Variants in GNL3L observed in about 807,000 individuals in gnomAD.
GNL3L encodes the protein G protein nucleolar 3 like.
A neutral mutation model predicts 42.9 loss-of-function variants in GNL3L; 4 were observed. The ratio of observed to expected loss-of-function variants is 0.09; its 90% confidence interval spans 0.05 to 0.21. The LOEUF (loss-of-function observed/expected upper bound fraction) is 0.21, where lower values mean the gene tolerates loss of function less well. Among genes scored for constraint, GNL3L ranks in the 10% least tolerant of loss-of-function variants. GNL3L has a pLI of 1.00. For synonymous variants in GNL3L, 159 were observed against 176.3 expected (o/e 0.90, Z 0.78); for missense variants, 412 against 481.7 (o/e 0.86, Z 1.36).
Position 54,562,332 on chromosome X carries a change from C to A in GNL3L, c.*1730C>A, listed in dbSNP as rs1485329268. 1.8e-5 allele frequency among the ~76,000 whole-genome samples: 2 copies of A among 112,337 alleles called. No individual in the cohort carries two copies. Among genetic ancestry groups the A allele is most frequent in the Non-Finnish European group, 3.8e-5 (2 of 53,227 alleles). On this transcript the variant is annotated 3_prime_UTR_variant, in exon 16 of 16. Transcript: ENST00000360845. The stretch of plus-strand genomic sequence containing the variant: ...AAGTGCTGGGATTATAGGCGTGAGC[C>A]ACTGTGCCCAGCCTCACAGCTGCAT...
At chrX:54,642,717 C>T in the GNL3L span, among the ~76,000 whole-genome samples, 1 of 110,713 alleles carries the variant, frequency 9.0e-6, no homozygotes, top group Non-Finnish European at 1.9e-5. Context: ...AACTCTTGGC[C>T]CCACTGCTTT....
At chrX:54,575,726 T>C (rs1010182377) in intron 16 of GNL3L, among the ~76,000 whole-genome samples, 1 of 106,584 alleles carries the variant, frequency 9.4e-6, no homozygotes, top group Non-Finnish European at 1.9e-5. Context: ...AGAGCAAGAC[T>C]CCGTCTCAAA....
intron 16 of GNL3L, among the ~76,000 whole-genome samples, chrX:54,608,237 A>T (rs1185994866): frequency 9.0e-6 from 1 of 111,441 alleles, no homozygotes; most frequent in African/African-American, 3.3e-5. Context: ...CACTTTCCAC[A>T]TGGAGATACA....
intron 16 of GNL3L, among the ~76,000 whole-genome samples, chrX:54,604,826 A>C (rs1445654940): frequency 8.9e-6 from 1 of 112,172 alleles, no homozygotes; most frequent in African/African-American, 3.2e-5. Context: ...TCATTTGTAC[A>C]TGAGAATTAA....
At chrX:54,545,629 A>G (rs1475616510) in intron 8 of GNL3L, among the ~76,000 whole-genome samples, 1 of 112,249 alleles carries the variant, frequency 8.9e-6, no homozygotes, top group Admixed American at 9.5e-5. Flanking sequence ...ATATTAATAC[A>G]GAAACTGATT....
chrX:54,614,475 G>C, intron 16 of GNL3L, among the ~76,000 whole-genome samples: 1 of 111,095 alleles, frequency 9.0e-6, no homozygotes, highest in Non-Finnish European at 1.9e-5. Flanking sequence ...AGTTCATCTA[G>C]AGATTTCCTT....
chrX:54,594,477 G>GT (rs762469022), intron 16 of GNL3L, among the ~76,000 whole-genome samples: 5 of 106,864 alleles, frequency 4.7e-5, no homozygotes, highest in Non-Finnish European at 9.6e-5. Flanking sequence ...CCATCCATTT[G>GT]TTTTCAGCCT....
At position 54,607,070 on chromosome X, in the gene GNL3L, T is replaced by TC. The variant is rs1271227383; in HGVS notation, c.*46-13775_*46-13774insC. 6.2e-3 allele frequency among the ~76,000 whole-genome samples: 301 copies of TC among 48,484 alleles called. 21 individuals are homozygous for TC. Among genetic ancestry groups the TC allele is most frequent in the African/African-American group, 0.032 (270 of 8,458 alleles). 42.1% of individuals were successfully genotyped at this position (48,484 alleles called of 115,157 possible). A position where few individuals can be genotyped will look rare whatever the true frequency, so the allele number is the denominator to read the frequency against. ...TTTCTTTCTTTCTTTCTTTCTTTCT[T>TC]TCTCTTTCTTTCTTCTTTCTTTCTT... is the stretch of plus-strand genomic sequence containing the variant. On this transcript the variant is annotated intron_variant, in intron 16 of 16. Transcript: ENST00000674498.
chrX:54,639,370 G>A, the GNL3L span, among the ~76,000 whole-genome samples: 2 of 112,000 alleles, frequency 1.8e-5, no homozygotes, highest in Non-Finnish European at 3.8e-5. Flanking sequence ...TTCATCCGAC[G>A]TGCCCCGCCC....
At chrX:54,612,145 G>A (rs1361000641) in intron 16 of GNL3L, among the ~76,000 whole-genome samples, 1 of 111,912 alleles carries the variant, frequency 8.9e-6, no homozygotes, top group Admixed American at 9.5e-5. Context: ...ATATTTTCCT[G>A]TTGGACAAGG....
intron 16 of GNL3L, among the ~76,000 whole-genome samples, chrX:54,613,996 A>T (rs1326264834): frequency 9.0e-6 from 1 of 110,677 alleles, no homozygotes; most frequent in Non-Finnish European, 1.9e-5. Context: ...CCAAGATTAT[A>T]TAACCTTTGT....
At chrX:54,625,057 G>A (rs375518252), downstream of GNL3L, among the ~76,000 whole-genome samples, 1 of 110,618 alleles carries the variant, frequency 9.0e-6, no homozygotes, top group South Asian at 3.9e-4. Context: ...AAGGTACTGG[G>A]GTTTGGGACC....
chrX:54,629,597 C>G, the GNL3L span, among the ~76,000 whole-genome samples: 1 of 111,757 alleles, frequency 8.9e-6, no homozygotes. Context: ...TCCCTGCATT[C>G]CTGGTATAAA....
rs184686484 is a variant in GNL3L at position 54,575,128 on chromosome X, A to C, written c.*45+14481A>C. 4.8e-3 allele frequency among the ~76,000 whole-genome samples: 530 copies of C among 110,821 alleles called. 5 individuals are homozygous for C. The highest frequency in any genetic ancestry group is 8.4e-3 in the Non-Finnish European group (443 of 52,869). On this transcript the variant is annotated intron_variant, in intron 16 of 16. Transcript: ENST00000674498. ...TTCTATTTTGTAGATTCCTGCTCTA[A>C]TTTTCATTATTTCCTTCATTTGGTT...
chrX:54,618,741 T>A lies in GNL3L; in HGVS notation c.*46-2104T>A, dbSNP rs184164850. Among the ~76,000 whole-genome samples the A allele has an allele frequency of 8.1e-3, 896 of 110,479 alleles. 3 individuals are homozygous for A. Among genetic ancestry groups the A allele is most frequent in the African/African-American group, 0.028 (843 of 30,364 alleles). ...GAGACACCATCTCTGCAAAAAAATT[T>A]AAAAAAATTGCCAAACATGGTGACA... On this transcript the variant is annotated intron_variant, in intron 16 of 16. Transcript: ENST00000674498.
At chrX:54,589,293 TCTAA>T (rs1925834916) in intron 16 of GNL3L, among the ~76,000 whole-genome samples, 1 of 111,255 alleles carries the variant, frequency 9.0e-6, no homozygotes. Context: ...GAAAAAATAG[TCTAA>T]CTATCATTGA....
chrX:54,628,212 GGTGTGTGTGT>G, the GNL3L span, among the ~76,000 whole-genome samples: 11,123 of 95,691 alleles, frequency 0.12, 1,002 homozygotes, highest in African/African-American at 0.3. Flanking sequence ...AGTATTCCGT[GGTGTGTGTGT>G]GTGTGTGTGT....
chrX:54,585,982 A>G (rs938152500), intron 16 of GNL3L, among the ~76,000 whole-genome samples: 1 of 111,838 alleles, frequency 8.9e-6, no homozygotes, highest in Non-Finnish European at 1.9e-5. Flanking sequence ...AAGGGGCTTC[A>G]AGATGGCTGA....
intron 16 of GNL3L, among the ~76,000 whole-genome samples, chrX:54,601,096 A>G (rs1926000902): frequency 8.9e-6 from 1 of 111,798 alleles, no homozygotes; most frequent in Non-Finnish European, 1.9e-5. Flanking sequence ...AGGCAGTCAC[A>G]GAGGACTAAA....
Sources: gnomAD v4.1 joint callset for allele counts (sites outside exome capture counted in the v4.1 genomes callset) on GRCh38, gnomAD v4.1.1 for gene constraint, MANE v1.5 for transcripts, NCBI Gene and HGNC (gene_info 2026-07-23, HGNC 2026-07-21) for gene names.